VPS50: variants seen among roughly 807,000 people sequenced by gnomAD.
VPS50 encodes VPS50 subunit of EARP/GARPII complex, also known as syndetin.
A neutral mutation model predicts 139.7 loss-of-function variants in VPS50; 70 were observed. That is an observed-to-expected ratio of 0.50 (90% confidence interval 0.41 to 0.61). The LOEUF (loss-of-function observed/expected upper bound fraction) is 0.61. VPS50 is among the 20% of genes least tolerant of loss of function. The pLI is 0.00. For synonymous variants in VPS50, 365 were observed against 376.7 expected (o/e 0.97, Z 0.36); for missense variants, 921 against 1,133.7 (o/e 0.81, Z 2.69).
chr7:93,250,593 A>G (rs1050184756), intron 2 of VPS50, among the ~76,000 whole-genome samples: 3 of 152,102 alleles, frequency 2.0e-5, no homozygotes, highest in East Asian at 1.9e-4. Context: ...TAAAAACCCT[A>G]GAAGAAAACC....
At chr7:93,316,819 A>G (rs1042132020) in intron 20 of VPS50, among the ~76,000 whole-genome samples, 31 of 152,244 alleles carry the variant, frequency 2.0e-4, no homozygotes, top group African/African-American at 7.2e-4. Flanking sequence ...TTTTAAAATG[A>G]CTAGGAAGGA....
intron 11 of VPS50, chr7:93,273,454 A>G (rs1796069605): frequency 6.6e-6 from 1 of 152,106 alleles, no homozygotes; most frequent in African/African-American, 2.4e-5. Context: ...TTTAAACTCT[A>G]CATTTTGAAA....
intron 16 of VPS50, among the ~76,000 whole-genome samples, chr7:93,299,623 G>A (rs903612164): frequency 1.3e-5 from 2 of 152,100 alleles, no homozygotes; most frequent in Non-Finnish European, 2.9e-5. Context: ...AATAGGAGCA[G>A]TTTTGTTTTG....
chr7:93,304,573 T>C (rs1031092542), intron 17 of VPS50, among the ~76,000 whole-genome samples: 1 of 151,868 alleles, frequency 6.6e-6, no homozygotes, highest in Non-Finnish European at 1.5e-5. Context: ...TAACATCATT[T>C]AGAATTCTAA....
At position 93,360,810 on chromosome 7, in the gene VPS50, T is replaced by G. The variant is rs1196076347; in HGVS notation, c.*2374T>G. On this transcript the variant is annotated 3_prime_UTR_variant, in exon 28 of 28. Coordinates refer to ENST00000305866, the MANE Select transcript of VPS50 (RefSeq NM_017667.4). ...TACATTGTCTTGCATTTAAAAATGCTAGGGGGGCACATAGCAATTCAAATG... is the reference window on the plus strand; with the variant it reads ...TACATTGTCTTGCATTTAAAAATGCGAGGGGGGCACATAGCAATTCAAATG... 6.6e-6 allele frequency: 1 copy of G among 152,044 alleles called. No individual in the cohort carries two copies. Among genetic ancestry groups the G allele is most frequent in the Non-Finnish European group, 1.5e-5 (1 of 67,976 alleles). The allele number at this position is 152,044 out of a possible 1,614,324, so 9.4% of individuals were successfully genotyped here.
intron 19 of VPS50, among the ~76,000 whole-genome samples, chr7:93,309,367 T>G (rs1033836532): frequency 3.3e-5 from 5 of 152,022 alleles, no homozygotes; most frequent in Admixed American, 6.6e-5. Flanking sequence ...GTTCCTTTTT[T>G]ATGGTATCAC....
At chr7:93,317,719 T>C (rs1797469935) in intron 20 of VPS50, among the ~76,000 whole-genome samples, 1 of 152,378 alleles carries the variant, frequency 6.6e-6, no homozygotes, top group Non-Finnish European at 1.5e-5. Context: ...TTGGTTCCTT[T>C]CTGTTATTTT....
chr7:93,278,857 AAT>A (rs1796241755), intron 12 of VPS50, among the ~76,000 whole-genome samples: 1 of 151,928 alleles, frequency 6.6e-6, no homozygotes, highest in African/African-American at 2.4e-5. Context: ...ATGATTTATT[AAT>A]ATTTTGAAGT....
At chr7:93,274,501 T>G (rs927725995) in intron 11 of VPS50, among the ~76,000 whole-genome samples, 17 of 152,122 alleles carry the variant, frequency 1.1e-4, no homozygotes, top group Non-Finnish European at 2.4e-4. Context: ...CAACATGGCC[T>G]ACTGAATGTG....
At position 93,290,036 on chromosome 7, in the gene VPS50, T is replaced by A. The variant is rs77505768; in HGVS notation, c.943-1667T>A. On this transcript the variant is annotated intron_variant, in intron 12 of 27. Transcript: ENST00000305866. ...TTATTAAATTCCTAAAAATTCTCTC[T>A]TGTTATTATAAATGAGGGTTTCTCA... Among the ~76,000 whole-genome samples, 18 of 152,092 alleles carry A rather than the reference T, an allele frequency of 1.2e-4. No homozygotes were observed. The South Asian group carries it at 1.9e-3, about 16-fold the overall frequency.
intron 12 of VPS50, 164 bp downstream of exon 12, chr7:93,276,469 T>G: frequency 8.3e-7 from 1 of 1,198,178 alleles, no homozygotes; most frequent in African/African-American, 1.5e-5. Flanking sequence ...ATAGAGAAGT[T>G]GGAGGACTCA....
intron 20 of VPS50, among the ~76,000 whole-genome samples, chr7:93,311,761 AT>A (rs1246734545): frequency 3.3e-5 from 5 of 152,108 alleles, no homozygotes; most frequent in Admixed American, 6.6e-5. Context: ...ACCTTTATTG[AT>A]GATTTTGTAG....
At chr7:93,351,751 G>T (rs1798566119) in intron 25 of VPS50, among the ~76,000 whole-genome samples, 2 of 152,090 alleles carry the variant, frequency 1.3e-5, no homozygotes, top group Admixed American at 1.3e-4. Flanking sequence ...ATGAATTTAG[G>T]GAGGATACAA....
Position 93,311,260 on chromosome 7 carries a change from A to G in VPS50, c.1843A>G (p.Ile615Val). Residue 615 changes from isoleucine (I) to valine (V), a missense_variant, in exon 20 of 28, where the codon ATA (isoleucine) becomes GTA (valine). Ile to Val is a conservative substitution (Grantham distance 29). Around this residue, in one of 3 missense-constraint regions of VPS50, gnomAD observed 744 missense variants for 930.6 expected, o/e 0.80. Coordinates refer to ENST00000305866, the MANE Select transcript of VPS50 (RefSeq NM_017667.4). ...CTTAACAAATACAACATTGAACGTC[A>G]TAAGACTTGTTGGTAAGTAGCTACA... The part of the protein sequence containing the change: ...PILTNTTLNV[I>V]RLVGKYMQMM... 15 of 1,191,130 alleles carry G rather than the reference A, an allele frequency of 1.3e-5. No individual in the cohort carries two copies. Among genetic ancestry groups the G allele is most frequent in the Non-Finnish European group, 1.8e-5 (14 of 795,330 alleles). The allele number at this position is 1,191,130 out of a possible 1,614,324, so 73.8% of individuals were successfully genotyped here. A position where few individuals can be genotyped will look rare whatever the true frequency, so the allele number is the denominator to read the frequency against.
At chr7:93,298,066 C>A (rs2116954539) in intron 16 of VPS50, among the ~76,000 whole-genome samples, 1 of 152,010 alleles carries the variant, frequency 6.6e-6, no homozygotes, top group Non-Finnish European at 1.5e-5. Context: ...GTGATATATG[C>A]CATGTCAAAA....
chr7:93,297,709 A>G (rs190342171), intron 16 of VPS50, among the ~76,000 whole-genome samples: 1 of 152,268 alleles, frequency 6.6e-6, no homozygotes, highest in African/African-American at 2.4e-5. Context: ...TGTATACTGC[A>G]TTGCTTTGCA....
At chr7:93,299,159 G>A (rs1033454247) in intron 16 of VPS50, among the ~76,000 whole-genome samples, 1 of 152,076 alleles carries the variant, frequency 6.6e-6, no homozygotes, top group African/African-American at 2.4e-5. Context: ...AGTCATTTTC[G>A]CTCTGACAGT....
At chr7:93,331,740 G>T (rs766196795) in intron 21 of VPS50, among the ~76,000 whole-genome samples, 2 of 152,074 alleles carry the variant, frequency 1.3e-5, no homozygotes, top group South Asian at 4.2e-4. Context: ...GATAAAATGG[G>T]CTTCCTCATG....
At chr7:93,267,152 T>G (rs1289088722) in intron 9 of VPS50, among the ~76,000 whole-genome samples, 1 of 152,214 alleles carries the variant, frequency 6.6e-6, no homozygotes, top group Non-Finnish European at 1.5e-5. Context: ...TCAGATATAT[T>G]TCTTTTTCCT....
Sources: allele counts gnomAD v4.1 joint callset (sites outside exome capture counted in the v4.1 genomes callset), GRCh38; gene constraint gnomAD v4.1.1; regional missense constraint gnomAD v4.1.1; transcripts MANE v1.5; gene names NCBI Gene and HGNC (gene_info 2026-07-23, HGNC 2026-07-21).